MED13: variants seen among roughly 807,000 people sequenced by gnomAD.
The protein encoded by MED13 is mediator complex subunit 13, also known as mediator of RNA polymerase II transcription subunit 13.
MED13 carries 23 observed loss-of-function variants against 225.2 expected under a neutral mutation model. The observed-to-expected ratio is 0.10, with a 90% CI of 0.07 to 0.14. MED13 has a LOEUF of 0.14. Ranked by LOEUF, MED13 falls within the 10% of genes least tolerant of loss-of-function variation. MED13 has a pLI of 1.00. For missense variants in MED13, 2,197 were observed against 2,594.5 expected (o/e 0.85, Z 3.33); for synonymous variants, 942 against 889.2 (o/e 1.06, Z -1.06).
chr17:61,945,859 AT>A lies in MED13; in HGVS notation c.*608del, dbSNP rs2079848226. The A allele has an allele frequency of 6.6e-6, 1 of 152,644 alleles. No individual in the cohort carries two copies. The allele number at this position is 152,644 out of a possible 1,614,324, so 9.5% of individuals were successfully genotyped here. A position where few individuals can be genotyped will look rare whatever the true frequency, so the allele number is the denominator to read the frequency against. On this transcript the variant is annotated 3_prime_UTR_variant, in exon 30 of 30. Coordinates refer to ENST00000397786, the MANE Select transcript of MED13 (RefSeq NM_005121.3). ...GTCCCACCCACCCCCTTACAAAAAA[AT>A]AATACTCTAAAAGCAACCCTACTGC...
At chr17:61,984,123 T>TA in intron 15 of MED13, 48 bp downstream of exon 15, 1 of 1,287,734 alleles carries the variant, frequency 7.8e-7, no homozygotes, top group East Asian at 2.8e-5. Context: ...AAAAAAAAAT[T>TA]AAAGCTGTAT....
In MED13 at chr17:61,963,350, A is replaced by G. The variant is rs956480567; in HGVS notation, c.4845-379T>C. Among the ~76,000 whole-genome samples the G allele has an allele frequency of 2.6e-5, 4 of 152,086 alleles. No homozygotes were observed. In the East Asian group the frequency reaches 7.7e-4, roughly 29 times the overall value. On this transcript the variant is annotated intron_variant, in intron 20 of 29. Coordinates refer to ENST00000397786, the MANE Select transcript of MED13 (RefSeq NM_005121.3). ...AGGTCTCTTTGTCTGAGGCTATCTC[A>G]AATAGCTTACCAAATTTATAAAGGT...
chr17:61,957,785 T>C (rs554171123), intron 23 of MED13, among the ~76,000 whole-genome samples: 16 of 152,220 alleles, frequency 1.1e-4, no homozygotes, highest in South Asian at 2.1e-4. Flanking sequence ...CCAAACAACA[T>C]TGTTACATGT....
intron 10 of MED13, among the ~76,000 whole-genome samples, 158 bp from the exon 11 acceptor site, chr17:61,992,779 CTTT>C (rs11375627): frequency 6.6e-6 from 1 of 151,688 alleles, no homozygotes; most frequent in South Asian, 2.1e-4. Context: ...CTTATTATTA[CTTT>C]TTTTTGAGAT....
intron 7 of MED13, 70 bp from the exon 8 acceptor site, chr17:62,029,721 A>C: frequency 6.6e-7 from 1 of 1,522,822 alleles, no homozygotes; most frequent in East Asian, 2.3e-5. Flanking sequence ...GTAGCATTGA[A>C]ATTAATTTTA....
chr17:61,966,388 T>A (rs2080058234), intron 19 of MED13, 74 bp downstream of exon 19: 3 of 1,193,766 alleles, frequency 2.5e-6, no homozygotes, highest in Admixed American at 2.4e-5. Context: ...TAAAATTTTA[T>A]CTACAAAAAC....
chr17:61,988,642 C>A (rs1190350221), intron 11 of MED13, among the ~76,000 whole-genome samples: 1 of 152,020 alleles, frequency 6.6e-6, no homozygotes, highest in Admixed American at 6.6e-5. Context: ...GAACTACAGG[C>A]ACAAGAAGGG....
At chr17:61,981,973 T>G (rs1423862285) in intron 16 of MED13, among the ~76,000 whole-genome samples, 1 of 152,232 alleles carries the variant, frequency 6.6e-6, no homozygotes, top group African/African-American at 2.4e-5. Flanking sequence ...CCTTTCATAT[T>G]CCTACATAAG....
At chr17:62,049,991 A>C (rs1403125075) in intron 3 of MED13, among the ~76,000 whole-genome samples, 1 of 152,030 alleles carries the variant, frequency 6.6e-6, no homozygotes. Flanking sequence ...GTTACAAATA[A>C]TATTTATAAA....
rs2079823886 is a variant in MED13, at chr17:61,942,714, CT to C, written c.*3753del. On this transcript the variant is annotated 3_prime_UTR_variant, in exon 30 of 30. Transcript: ENST00000397786. The stretch of plus-strand genomic sequence containing the variant: ...ATTTCCTCAATCACAATTTGTACAA[CT>C]CAGTGTTATGGCATTCGGCAGCAAT... 1 of 150,900 alleles carries C rather than the reference CT, an allele frequency of 6.6e-6. No individual in the cohort carries two copies. Among genetic ancestry groups the C allele is most frequent in the Admixed American group, 6.6e-5 (1 of 15,080 alleles). 9.3% of individuals were successfully genotyped at this position (150,900 alleles called of 1,614,324 possible). A position where few individuals can be genotyped will look rare whatever the true frequency, so the allele number is the denominator to read the frequency against.
rs749788554 is a variant in MED13, at chr17:61,982,915, C to T, written c.3088G>A (p.Ala1030Thr). Reference sequence around the variant, plus strand: ...TTTTCATATTTGACTGAACCTTGAGCACTAGCAGGTCCACCAGCTCCACGA... The same window carrying T: ...TTTTCATATTTGACTGAACCTTGAGTACTAGCAGGTCCACCAGCTCCACGA... ...TPRGAGGPAS[A>T]QGSVKYENSD... The change falls in exon 16 of 30, where the codon GCT (alanine) becomes ACT (threonine). Residue 1030 changes from alanine (A) to threonine (T), a missense_variant. Ala to Thr is a moderately conservative substitution (Grantham distance 58). This residue lies in a region of MED13 where 99 missense variants were observed against 158.5 expected (regional missense o/e 0.62). Coordinates refer to ENST00000397786, the MANE Select transcript of MED13 (RefSeq NM_005121.3). The T allele has an allele frequency of 6.2e-7, 1 of 1,614,114 alleles. No homozygotes were observed. Among genetic ancestry groups the T allele is most frequent in the Non-Finnish European group, 8.5e-7 (1 of 1,180,016 alleles).
intron 28 of MED13, 56 bp from the exon 29 acceptor site, chr17:61,947,073 T>G (rs1000180951): frequency 8.3e-7 from 1 of 1,205,152 alleles, no homozygotes; most frequent in African/African-American, 1.5e-5. Flanking sequence ...ATCTGCTATT[T>G]AGTTTTACCT....
intron 18 of MED13, among the ~76,000 whole-genome samples, chr17:61,966,922 TAAC>T (rs2080064137): frequency 6.6e-6 from 1 of 152,158 alleles, no homozygotes; most frequent in Non-Finnish European, 1.5e-5. Flanking sequence ...AACACCTAGA[TAAC>T]AATAGTACTA....
At chr17:61,978,526 G>A (rs531115676) in intron 16 of MED13, among the ~76,000 whole-genome samples, 13 of 151,074 alleles carry the variant, frequency 8.6e-5, no homozygotes, top group African/African-American at 3.0e-4. Flanking sequence ...GGGCCAAGGT[G>A]GGCGGATCAA....
chr17:62,039,602 T>G (rs1402561721), intron 3 of MED13, among the ~76,000 whole-genome samples: 2 of 149,734 alleles, frequency 1.3e-5, no homozygotes, highest in African/African-American at 4.9e-5. Context: ...TTTTTTTTTT[T>G]TTTTTTTTGA....
Position 62,029,590 on chromosome 17 carries a change from A to C in MED13, c.1234T>G (p.Ser412Ala). The C allele has an allele frequency of 1.2e-6, 2 of 1,614,208 alleles. No homozygotes were observed. Among genetic ancestry groups the C allele is most frequent in the Non-Finnish European group, 1.7e-6 (2 of 1,180,038 alleles). Residue 412 changes from serine (S) to alanine (A), a missense_variant, in exon 8 of 30, where the codon TCC becomes GCC. Ser to Ala is a moderately conservative substitution (Grantham distance 99, BLOSUM62 1). Around this residue, in one of 12 missense-constraint regions of MED13, gnomAD observed 884 missense variants for 918.5 expected, o/e 0.96. Transcript: ENST00000397786. Reference sequence around the variant, plus strand: ...TGTGTGGCTTCAACAAAATCCCAGGATGCCACTTTAGCAGCTGTCGCTTCT... The same window carrying C: ...TGTGTGGCTTCAACAAAATCCCAGGCTGCCACTTTAGCAGCTGTCGCTTCT... ...CEEATAAKVA[S>A]WDFVEATQRT...
intron 17 of MED13, among the ~76,000 whole-genome samples, chr17:61,971,361 C>T (rs543276809): frequency 1.1e-4 from 16 of 150,484 alleles, no homozygotes; most frequent in African/African-American, 2.9e-4. Flanking sequence ...ATGGCAACCT[C>T]GGCTGGCGGC....
chr17:62,046,265 G>A (rs1440820822), intron 3 of MED13, among the ~76,000 whole-genome samples: 2 of 152,058 alleles, frequency 1.3e-5, no homozygotes, highest in Non-Finnish European at 2.9e-5. Context: ...TGTCCTACTT[G>A]CTTTTCCAAA....
In MED13 at chr17:61,975,682, C is replaced by T. The variant is rs1192527200; in HGVS notation, c.3806-2794G>A. On this transcript the variant is annotated intron_variant, in intron 16 of 29. Transcript: ENST00000397786. ...TGCAATGAGCCAAGATCGTACCCCACTGCACTCCAGCCTGGATGACAGAGT... is the reference window on the plus strand; with the variant it reads ...TGCAATGAGCCAAGATCGTACCCCATTGCACTCCAGCCTGGATGACAGAGT... Among the ~76,000 whole-genome samples the T allele has an allele frequency of 3.9e-5, 6 of 152,192 alleles. No individual in the cohort carries two copies. In the East Asian group the frequency reaches 5.8e-4, roughly 15 times the overall value.
Sources: gnomAD v4.1 joint callset for allele counts (sites outside exome capture counted in the v4.1 genomes callset) on GRCh38, gnomAD v4.1.1 for gene constraint, gnomAD v4.1.1 regional missense constraint, MANE v1.5 for transcripts, NCBI Gene and HGNC (gene_info 2026-07-23, HGNC 2026-07-21) for gene names.